The following LGR6 variants were observed in gnomAD, a reference collection of about 807,000 sequenced individuals.
LGR6 encodes leucine-rich repeat-containing G protein-coupled receptor 6.
LGR6 carries 45 observed loss-of-function variants against 69.4 expected under a neutral mutation model. The observed-to-expected ratio is 0.65, with a 90% CI of 0.51 to 0.83. LGR6 has a LOEUF of 0.83. Ranked by LOEUF, LGR6 falls within the 40% of genes least tolerant of loss-of-function variation. The pLI, the probability that LGR6 is intolerant of heterozygous loss-of-function variation, is 0.00. For missense variants in LGR6, 1,108 were observed against 1,246.7 expected (o/e 0.89, Z 1.68); for synonymous variants, 538 against 555.0 (o/e 0.97, Z 0.43).
intron 10 of LGR6, 31 bp downstream of exon 10, chr1:202,303,378 A>G (rs200259622): frequency 1.9e-6 from 3 of 1,562,160 alleles, no homozygotes; most frequent in Admixed American, 1.7e-5. Flanking sequence ...TACCTTATCT[A>G]TCGCCCCAGC....
intron 5 of LGR6, 28 bp downstream of exon 5, chr1:202,276,549 A>G (rs777277482): frequency 1.4e-4 from 220 of 1,565,164 alleles, no homozygotes; most frequent in Non-Finnish European, 1.7e-4. Context: ...CCCCATCCCC[A>G]GTGGGGTCCT....
intron 2 of LGR6, 50 bp from the exon 3 acceptor site, chr1:202,227,886 C>A: frequency 2.9e-6 from 4 of 1,361,520 alleles, no homozygotes; most frequent in Non-Finnish European, 4.2e-6. Flanking sequence ...GAGGTCACCA[C>A]CTCCTTGGGT....
At chr1:202,246,692 T>C (rs897297272) in intron 4 of LGR6, among the ~76,000 whole-genome samples, 4 of 151,872 alleles carry the variant, frequency 2.6e-5, no homozygotes, top group Non-Finnish European at 5.9e-5. Flanking sequence ...CAAGCAAACA[T>C]GATGTAAAAT....
At chr1:202,197,135 A>G in intron 1 of LGR6, 2 of 527,674 alleles carry the variant, frequency 3.8e-6, no homozygotes, top group South Asian at 1.4e-5. Flanking sequence ...CCTCTTGCAC[A>G]TTCCTTGACC....
chr1:202,207,834 A>G (rs1659310739), intron 1 of LGR6, among the ~76,000 whole-genome samples: 1 of 152,224 alleles, frequency 6.6e-6, no homozygotes, highest in African/African-American at 2.4e-5. Flanking sequence ...AATGGATGTT[A>G]GCTATTATTT....
intron 4 of LGR6, among the ~76,000 whole-genome samples, chr1:202,264,623 G>T (rs2148117963): frequency 6.6e-6 from 1 of 152,316 alleles, no homozygotes; most frequent in African/African-American, 2.4e-5. Context: ...TCCCACCCCA[G>T]GATTCCGGGA....
intron 1 of LGR6, among the ~76,000 whole-genome samples, chr1:202,207,285 G>T (rs926676902): frequency 6.6e-6 from 1 of 152,138 alleles, no homozygotes; most frequent in Admixed American, 6.6e-5. Flanking sequence ...ATGAGAGGAA[G>T]GGGTCTCCCT....
chr1:202,273,931 C>T, intron 4 of LGR6, among the ~76,000 whole-genome samples: 1 of 152,136 alleles, frequency 6.6e-6, no homozygotes, highest in African/African-American at 2.4e-5. Flanking sequence ...CCGTGTGGTC[C>T]TAAGCAGGAC....
intron 1 of LGR6, chr1:202,203,629 TG>T: frequency 1.6e-6 from 1 of 606,108 alleles, no homozygotes. Context: ...CCTGGAGCCT[TG>T]GAGAGAGAGA....
At chr1:202,289,509 A>G (rs1666635463) in intron 6 of LGR6, among the ~76,000 whole-genome samples, 1 of 152,180 alleles carries the variant, frequency 6.6e-6, no homozygotes, top group Non-Finnish European at 1.5e-5. Flanking sequence ...TGCTTCAGGT[A>G]GATTCTGAAT....
intron 7 of LGR6, among the ~76,000 whole-genome samples, 177 bp from the exon 8 acceptor site, chr1:202,300,672 A>G (rs1667520819): frequency 6.6e-6 from 1 of 151,818 alleles, no homozygotes; most frequent in Admixed American, 6.6e-5. Context: ...AAAAAAAAAA[A>G]AGAAAGAAAG....
chr1:202,301,031 A>G (rs1045544495), intron 8 of LGR6, 111 bp downstream of exon 8: 43 of 1,291,248 alleles, frequency 3.3e-5, no homozygotes, highest in African/African-American at 2.5e-4. Flanking sequence ...AGGCAGAAGT[A>G]TGGGAGGGGT....
intron 1 of LGR6, among the ~76,000 whole-genome samples, chr1:202,207,286 G>A (rs1383868197): frequency 6.6e-6 from 1 of 152,130 alleles, no homozygotes; most frequent in Non-Finnish European, 1.5e-5. Flanking sequence ...TGAGAGGAAG[G>A]GGTCTCCCTC....
At chr1:202,259,301 T>G (rs1354640357) in intron 4 of LGR6, among the ~76,000 whole-genome samples, 1 of 152,210 alleles carries the variant, frequency 6.6e-6, no homozygotes, top group Non-Finnish European at 1.5e-5. Context: ...TCATTCCAGT[T>G]TTTTCTATCC....
chr1:202,215,698 C>G (rs967929537), intron 1 of LGR6, among the ~76,000 whole-genome samples: 1 of 152,200 alleles, frequency 6.6e-6, no homozygotes, highest in African/African-American at 2.4e-5. Context: ...TTGTCCAGGA[C>G]CCGCAGGTGG....
intron 3 of LGR6, among the ~76,000 whole-genome samples, chr1:202,228,647 C>G (rs1361268216): frequency 6.6e-6 from 1 of 152,158 alleles, no homozygotes; most frequent in Admixed American, 6.5e-5. Flanking sequence ...GACACAATCT[C>G]CTCAACTCAT....
intron 4 of LGR6, among the ~76,000 whole-genome samples, chr1:202,246,071 A>G (rs1571885498): frequency 1.1e-5 from 1 of 94,800 alleles, no homozygotes; most frequent in Non-Finnish European, 2.1e-5. Context: ...CCCTCCCTTC[A>G]TCTATCCATT....
In LGR6 at chr1:202,255,369, C is replaced by T. The variant is rs1004748401; in HGVS notation, c.428+19376C>T. On this transcript the variant is annotated intron_variant, in intron 4 of 17. Transcript: ENST00000367278. ...GAGGAGCGGGCATGGCCTTGAGATT[C>T]CATTACCAGGACCTGGTGACTGATT... Among the ~76,000 whole-genome samples, 4 of 152,150 alleles carry T rather than the reference C, an allele frequency of 2.6e-5. No individual in the cohort carries two copies. In the South Asian group the frequency reaches 8.3e-4, roughly 32 times the overall value.
chr1:202,210,852 G>T (rs1659436391), intron 1 of LGR6: 1 of 152,210 alleles, frequency 6.6e-6, no homozygotes, highest in South Asian at 2.1e-4. Context: ...GTGGGTTCTT[G>T]AATCTCCACA....
Sources: allele counts gnomAD v4.1 joint callset (sites outside exome capture counted in the v4.1 genomes callset), GRCh38; gene constraint gnomAD v4.1.1; transcripts MANE v1.5; gene names NCBI Gene and HGNC (gene_info 2026-07-23, HGNC 2026-07-21).